The following NF1 variants were observed in gnomAD, a reference collection of about 807,000 sequenced individuals.
The protein encoded by NF1 is neurofibromin 1.
Under a neutral mutation model 325.7 loss-of-function variants are expected in NF1, and 122 were observed. The ratio of observed to expected loss-of-function variants is 0.37; its 90% CI spans 0.32 to 0.44. The LOEUF is 0.44. NF1 is among the 20% of genes least tolerant of loss of function. The pLI, the probability that NF1 is intolerant of heterozygous loss-of-function variation, is 1.00. For missense variants in NF1, 2,140 were observed against 3,415.4 expected (o/e 0.63, Z 9.31); for synonymous variants, 1,091 against 1,186.0 (o/e 0.92, Z 1.65).
At chr17:31,144,529 G>C (rs1263295973) in intron 1 of NF1, among the ~76,000 whole-genome samples, 1 of 152,160 alleles carries the variant, frequency 6.6e-6, no homozygotes, top group African/African-American at 2.4e-5. Flanking sequence ...CAGTTCTTCT[G>C]TTCCATATTG....
intron 2 of NF1, among the ~76,000 whole-genome samples, chr17:31,157,795 TAAA>T (rs71142027): frequency 4.9e-5 from 6 of 122,150 alleles, no homozygotes; most frequent in African/African-American, 1.8e-4. Context: ...CCGTCTCTAC[TAAA>T]AAAAAAAAAA....
chr17:31,193,196 ACT>A (rs1420600335), intron 8 of NF1, among the ~76,000 whole-genome samples: 1 of 152,212 alleles, frequency 6.6e-6, no homozygotes, highest in Non-Finnish European at 1.5e-5. Flanking sequence ...TTAGTTTCTA[ACT>A]AAATACTTAG....
At chr17:31,100,513 A>G (rs946191538) in intron 1 of NF1, among the ~76,000 whole-genome samples, 1 of 152,078 alleles carries the variant, frequency 6.6e-6, no homozygotes, top group Non-Finnish European at 1.5e-5. Flanking sequence ...GAGCACAATA[A>G]TGCTTATTCT....
chr17:31,099,359 C>T (rs2143192437), intron 1 of NF1, among the ~76,000 whole-genome samples: 1 of 152,180 alleles, frequency 6.6e-6, no homozygotes, highest in South Asian at 2.1e-4. Context: ...GCAGCTAAAC[C>T]TAGTATTTAG....
At chr17:31,305,697 C>T in intron 36 of NF1, 1 of 1,393,202 alleles carries the variant, frequency 7.2e-7, no homozygotes, top group Non-Finnish European at 9.7e-7. Flanking sequence ...AAAAATTTGA[C>T]TTTTCATTAT....
chr17:31,326,430 G>C (rs566153008), intron 37 of NF1, among the ~76,000 whole-genome samples, 178 bp downstream of exon 37: 3 of 152,040 alleles, frequency 2.0e-5, no homozygotes, highest in Non-Finnish European at 4.4e-5. Context: ...GGCAGATCAC[G>C]TGAGGTCAGG....
At chr17:31,267,561 A>G (rs1370336066) in intron 36 of NF1, among the ~76,000 whole-genome samples, 2 of 152,160 alleles carry the variant, frequency 1.3e-5, no homozygotes, top group Non-Finnish European at 2.9e-5. Flanking sequence ...CATTTACTCC[A>G]TTATGAAGGT....
At chr17:31,363,359 G>A (rs1195734360) in intron 57 of NF1, among the ~76,000 whole-genome samples, 2 of 151,606 alleles carry the variant, frequency 1.3e-5, no homozygotes, top group Non-Finnish European at 2.9e-5. Context: ...TTAATGGTAA[G>A]AGTTGATCTT....
chr17:31,372,264 C>G (rs1036363009), intron 57 of NF1, among the ~76,000 whole-genome samples: 22 of 152,134 alleles, frequency 1.4e-4, no homozygotes, highest in African/African-American at 2.4e-5. Flanking sequence ...CGCCCTCTCC[C>G]CACAGTGTGT....
At chr17:31,372,441 A>G (rs1018457140) in intron 57 of NF1, among the ~76,000 whole-genome samples, 4 of 152,018 alleles carry the variant, frequency 2.6e-5, no homozygotes, top group Non-Finnish European at 5.9e-5. Context: ...TTGGGGGTAA[A>G]TTTTATTGAT....
In NF1 at chr17:31,240,309, T is replaced by G. The variant is rs1386673119; in HGVS notation, c.3974+4288T>G. ...TTCAATTGTTTTAATTTTTTTAGCT[T>G]CCACAAATAAGAGAGCGCACGATGT... On this transcript the variant is annotated intron_variant, in intron 29 of 57. Transcript: ENST00000358273. Among the ~76,000 whole-genome samples the G allele has an allele frequency of 2.6e-5, 4 of 152,136 alleles. No homozygotes were observed. In the East Asian group the frequency reaches 7.7e-4, roughly 29 times the overall value.
At chr17:31,180,973 T>C (rs992930284) in intron 5 of NF1, among the ~76,000 whole-genome samples, 4 of 152,062 alleles carry the variant, frequency 2.6e-5, no homozygotes, top group Admixed American at 2.6e-4. Context: ...GAGAGCCAAA[T>C]CATGAGTGAA....
At chr17:31,214,770 A>G (rs947739038) in intron 13 of NF1, among the ~76,000 whole-genome samples, 185 bp downstream of exon 13, 1 of 152,204 alleles carries the variant, frequency 6.6e-6, no homozygotes, top group Non-Finnish European at 1.5e-5. Flanking sequence ...TAATTAGATC[A>G]GATTCTTAAT....
chr17:31,281,893 CAA>C (rs1056148571), intron 36 of NF1, among the ~76,000 whole-genome samples: 2 of 151,208 alleles, frequency 1.3e-5, no homozygotes, highest in African/African-American at 4.9e-5. Flanking sequence ...CCTGCCTCTA[CAA>C]AAAAAATTGC....
rs1057521848 is a variant in NF1 at position 31,233,116 on chromosome 17, G to A, written c.3611G>A (p.Arg1204Gln). 1 of 1,614,126 alleles carries A rather than the reference G, an allele frequency of 6.2e-7. No individual in the cohort carries two copies. The highest frequency in any genetic ancestry group is 8.5e-7 in the Non-Finnish European group (1 of 1,180,026). The change falls in exon 27 of 58, where the codon CGG (arginine) becomes CAG (glutamine). Residue 1204 changes from arginine to glutamine, a missense_variant. By Grantham distance (43) the Arg-to-Gln change is conservative. Coordinates refer to ENST00000358273, the MANE Select transcript of NF1 (RefSeq NM_001042492.3). ...CTTGCAGAAACAGTATTGGCTGATC[G>A]GTTTGAGAGATTGGTGGAACTGGTC... ...DTLAETVLAD[R>Q]FERLVELVTM... is the part of the protein sequence containing the mutation.
In NF1 at chr17:31,334,939, A is replaced by G; in HGVS notation, c.5914A>G (p.Thr1972Ala). The change falls in exon 40 of 58, where the codon ACT (threonine) becomes GCT (alanine). Residue 1972 changes from threonine to alanine, a missense_variant. Around this residue, in one of 10 missense-constraint regions of NF1, gnomAD observed 180 missense variants for 435.1 expected, o/e 0.41. Transcript: ENST00000358273. ...TGATGATGCCAAACGACAAAGAGTT[A>G]CTGCTATTCTTGACAAGCTGATAAC... ...HNDDAKRQRV[T>A]AILDKLITMT... 6.2e-7 allele frequency: 1 copy of G among 1,613,854 alleles called. No individual in the cohort carries two copies. The highest frequency in any genetic ancestry group is 8.5e-7 in the Non-Finnish European group (1 of 1,179,930).
intron 27 of NF1, among the ~76,000 whole-genome samples, chr17:31,235,301 T>C (rs1178693187): frequency 6.6e-6 from 1 of 152,218 alleles, no homozygotes; most frequent in South Asian, 2.1e-4. Flanking sequence ...CTGTTTCTGC[T>C]CTCTTTCATT....
At chr17:31,203,522 G>A (rs2066567636) in intron 11 of NF1, among the ~76,000 whole-genome samples, 1 of 152,076 alleles carries the variant, frequency 6.6e-6, no homozygotes, top group South Asian at 2.1e-4. Flanking sequence ...TATTGAATCT[G>A]AAGTACTCTT....
chr17:31,115,503 C>G (rs185153353), intron 1 of NF1, among the ~76,000 whole-genome samples: 8 of 152,330 alleles, frequency 5.3e-5, no homozygotes, highest in Admixed American at 2.6e-4. Flanking sequence ...GGAACTACTT[C>G]TACTTGTGCC....
Sources: gnomAD v4.1 joint callset for allele counts (sites outside exome capture counted in the v4.1 genomes callset) on GRCh38, gnomAD v4.1.1 for gene constraint, gnomAD v4.1.1 regional missense constraint, MANE v1.5 for transcripts, NCBI Gene and HGNC (gene_info 2026-07-23, HGNC 2026-07-21) for gene names.